The following WASHC5 variants were observed in gnomAD, a reference collection of about 807,000 sequenced individuals.
WASHC5 encodes the protein WASH complex subunit 5, also known as WASH complex subunit strumpellin.
WASHC5 carries 101 observed loss-of-function variants against 150.4 expected under a neutral mutation model. The observed-to-expected ratio is 0.67, with a 90% confidence interval of 0.57 to 0.79. The LOEUF (loss-of-function observed/expected upper bound fraction) is 0.79, where lower values mean the gene tolerates loss of function less well. Ranked by LOEUF, WASHC5 falls within the 30% of genes least tolerant of loss-of-function variation. The pLI is 0.00. For missense variants in WASHC5, 1,195 were observed against 1,396.3 expected (o/e 0.86, Z 2.30); for synonymous variants, 467 against 491.2 (o/e 0.95, Z 0.65).
intron 27 of WASHC5, among the ~76,000 whole-genome samples, chr8:125,030,946 T>A (rs1224634956): frequency 6.6e-6 from 1 of 152,182 alleles, no homozygotes; most frequent in Non-Finnish European, 1.5e-5. Flanking sequence ...TCGGAAGTGA[T>A]GTTGCAAAGG....
intron 10 of WASHC5, among the ~76,000 whole-genome samples, chr8:125,064,381 ATTTATT>A (rs1428275064): frequency 0.035 from 3,934 of 111,080 alleles, 175 homozygotes; most frequent in African/African-American, 0.18. Context: ...TTTCTTATTT[ATTTATT>A]TTTTTTTTTT....
intron 4 of WASHC5, among the ~76,000 whole-genome samples, chr8:125,081,998 A>G (rs1224030804): frequency 3.3e-5 from 5 of 152,264 alleles, no homozygotes. Context: ...TATTTTGGCT[A>G]TGTTGCTTGG....
At chr8:125,060,986 T>C (rs760179635) in intron 12 of WASHC5, 96 bp downstream of exon 12, 7 of 723,638 alleles carry the variant, frequency 9.7e-6, no homozygotes, top group East Asian at 2.7e-5. Context: ...TCTGATGAAA[T>C]AGTCTCTCAG....
At chr8:125,050,766 C>T in intron 17 of WASHC5, 101 bp from the exon 18 acceptor site, 1 of 811,976 alleles carries the variant, frequency 1.2e-6, no homozygotes, top group South Asian at 1.4e-5. Flanking sequence ...GGGGCATTTT[C>T]CTACCTCCTC....
intron 6 of WASHC5, 93 bp from the exon 7 acceptor site, chr8:125,076,593 G>A (rs1351438332): frequency 9.5e-6 from 14 of 1,472,938 alleles, no homozygotes; most frequent in Non-Finnish European, 1.2e-5. Flanking sequence ...AGACACATCA[G>A]TTTTTCCAAA....
At chr8:125,082,670 A>C (rs931187400) in intron 3 of WASHC5, among the ~76,000 whole-genome samples, 1 of 152,232 alleles carries the variant, frequency 6.6e-6, no homozygotes, top group Admixed American at 6.5e-5. Context: ...TCCAAGTAAA[A>C]GAAATATTCC....
Position 125,044,627 on chromosome 8 carries a change from C to A in WASHC5, c.2576G>T (p.Arg859Leu). 1.9e-6 allele frequency: 3 copies of A among 1,614,000 alleles called. No homozygotes were observed. Among genetic ancestry groups the A allele is most frequent in the South Asian group, 1.1e-5 (1 of 91,078 alleles). The change falls in exon 21 of 29, where the codon CGC (arginine) becomes CTC (leucine). Residue 859 changes from arginine to leucine, a missense_variant. Physicochemically the swap from Arg to Leu is moderately radical, Grantham distance 102. Around this residue, in one of 3 missense-constraint regions of WASHC5, gnomAD observed 997 missense variants for 1,168.1 expected, o/e 0.85. Coordinates refer to ENST00000318410, the MANE Select transcript of WASHC5 (RefSeq NM_014846.4). ...GGTGGTCTGGATTTCTGAGAAGAGG[C>A]GGCTGCTGGTCACTTCCTGATGAGT... is the stretch of plus-strand genomic sequence containing the variant. ...MKTHQEVTSS[R>L]LFSEIQTTLG... is the part of the protein sequence containing the mutation.
At chr8:125,081,236 CTTTTTTT>C (rs35035456) in intron 5 of WASHC5, among the ~76,000 whole-genome samples, 2 of 129,150 alleles carry the variant, frequency 1.5e-5, no homozygotes, top group Admixed American at 8.2e-5. Flanking sequence ...AAGAATCTTA[CTTTTTTT>C]TTTTTTTTTT....
intron 9 of WASHC5, among the ~76,000 whole-genome samples, 166 bp from the exon 10 acceptor site, chr8:125,067,885 C>T (rs1388554751): frequency 2.0e-5 from 3 of 152,140 alleles, no homozygotes. Flanking sequence ...CCATGGAGTA[C>T]AATTAAACTG....
chr8:125,038,657 G>A (rs1815786693), intron 25 of WASHC5, among the ~76,000 whole-genome samples, 173 bp downstream of exon 25: 1 of 152,196 alleles, frequency 6.6e-6, no homozygotes, highest in Non-Finnish European at 1.5e-5. Flanking sequence ...TCACAGACCT[G>A]AGCCAGGCGG....
At chr8:125,042,190 CT>C (rs1253625579) in intron 23 of WASHC5, among the ~76,000 whole-genome samples, 3 of 152,196 alleles carry the variant, frequency 2.0e-5, no homozygotes, top group African/African-American at 7.2e-5. Flanking sequence ...TCATTTGCCT[CT>C]TTGGAGATAT....
intron 26 of WASHC5, 26 bp downstream of exon 26, chr8:125,037,211 T>A: frequency 7.7e-7 from 1 of 1,296,452 alleles, no homozygotes; most frequent in Non-Finnish European, 1.1e-6. Context: ...TTGTTACTCA[T>A]TGCAAATAAT....
Position 125,047,237 on chromosome 8 carries a change from CAG to C in WASHC5, c.2472_2473del (p.Cys825GlnfsTer23). 1.2e-6 allele frequency: 2 copies of C among 1,614,094 alleles called. No individual in the cohort carries two copies. Among genetic ancestry groups the C allele is most frequent in the Non-Finnish European group, 8.5e-7 (1 of 1,179,972 alleles). On this transcript the variant is annotated frameshift_variant, in exon 20 of 29. Coordinates refer to ENST00000318410, the MANE Select transcript of WASHC5 (RefSeq NM_014846.4). LOFTEE classifies it high-confidence loss of function. The stretch of plus-strand genomic sequence containing the variant: ...GTCTGTGATCCGCAGGATTTCTCTG[CAG>C]AGTCGACCAATAAACGTTACAGACT...
chr8:125,065,414 T>C (rs116405665), intron 10 of WASHC5, among the ~76,000 whole-genome samples: 3,765 of 152,202 alleles, frequency 0.025, 146 homozygotes, highest in African/African-American at 0.086. Context: ...TCTACCTGGA[T>C]AGACAGAAGG....
intron 6 of WASHC5, among the ~76,000 whole-genome samples, chr8:125,077,522 A>T (rs1283475500): frequency 1.3e-5 from 2 of 152,200 alleles, no homozygotes; most frequent in Non-Finnish European, 2.9e-5. Context: ...CACACAGCAC[A>T]ATCACAGCTT....
intron 4 of WASHC5, among the ~76,000 whole-genome samples, 176 bp downstream of exon 4, chr8:125,082,207 T>G (rs1204636902): frequency 6.6e-6 from 1 of 152,258 alleles, no homozygotes; most frequent in Non-Finnish European, 1.5e-5. Flanking sequence ...TTAAATTCTG[T>G]TCAAAGTCTA....
At chr8:125,028,424 G>A (rs1815432386) in intron 28 of WASHC5, among the ~76,000 whole-genome samples, 196 bp downstream of exon 28, 1 of 152,168 alleles carries the variant, frequency 6.6e-6, no homozygotes, top group South Asian at 2.1e-4. Flanking sequence ...GAGGGGCATT[G>A]TGTTAAACTC....
chr8:125,079,110 GTGTGTGTATATATA>G (rs1395132057), intron 5 of WASHC5, among the ~76,000 whole-genome samples, 180 bp from the exon 6 acceptor site: 53 of 48,768 alleles, frequency 1.1e-3, no homozygotes, highest in African/African-American at 3.9e-3. Flanking sequence ...ATATGTGTGT[GTGTGTGTATATATA>G]TATATATATA....
chr8:125,043,260 C>T (rs957464121), intron 23 of WASHC5, among the ~76,000 whole-genome samples: 3 of 152,128 alleles, frequency 2.0e-5, no homozygotes, highest in East Asian at 3.8e-4. Flanking sequence ...CTCCTACTGC[C>T]GAGTAAAGGC....
Sources: gnomAD v4.1 joint callset for allele counts (sites outside exome capture counted in the v4.1 genomes callset) on GRCh38, gnomAD v4.1.1 for gene constraint, gnomAD v4.1.1 regional missense constraint, MANE v1.5 for transcripts, NCBI Gene and HGNC (gene_info 2026-07-23, HGNC 2026-07-21) for gene names.